Variants in SLC12A7 observed in about 807,000 individuals in gnomAD.
SLC12A7 encodes K-Cl cotransporter 4.
In SLC12A7, 100 loss-of-function variants were observed where a neutral mutation model predicts 120.6. The observed-to-expected ratio is 0.83, with a 90% confidence interval of 0.71 to 0.98. SLC12A7 has a LOEUF of 0.98. Ranked by LOEUF, SLC12A7 falls within the 50% of genes least tolerant of loss-of-function variation. The pLI is 0.00. For missense variants in SLC12A7, 1,373 were observed against 1,548.1 expected, an observed-to-expected ratio of 0.89 and a Z score of 1.90; for synonymous variants, 760 against 678.0, an observed-to-expected ratio of 1.12 and a Z score of -1.88.
chr5:1,112,871 T>TCCCCCC (rs70957329), upstream of SLC12A7, among the ~76,000 whole-genome samples: 11 of 112,050 alleles, frequency 9.8e-5, no homozygotes, highest in East Asian at 6.1e-4. Flanking sequence ...GTAGAGGGAG[T>TCCCCCC]CCCCCCCCCC....
chr5:1,111,578 C>T (rs1402405356), intron 1 of SLC12A7, among the ~76,000 whole-genome samples: 1 of 152,188 alleles, frequency 6.6e-6, no homozygotes, highest in African/African-American at 2.4e-5. Flanking sequence ...CGGAGGCGCG[C>T]TCCAGCCCCT....
chr5:1,149,044 T>C, the SLC12A7 span, among the ~76,000 whole-genome samples: 1 of 149,482 alleles, frequency 6.7e-6, no homozygotes, highest in African/African-American at 2.5e-5. Context: ...CACCTGTGTC[T>C]ACCGTGAATG....
At chr5:1,084,599 G>T (rs369865176) in intron 7 of SLC12A7, among the ~76,000 whole-genome samples, 3 of 152,224 alleles carry the variant, frequency 2.0e-5, no homozygotes, top group African/African-American at 4.8e-5. Context: ...GGGTCCCCGA[G>T]GGGGAGGGCA....
chr5:1,070,127 T>A, intron 17 of SLC12A7, among the ~76,000 whole-genome samples: 1 of 25,846 alleles, frequency 3.9e-5, no homozygotes, highest in Non-Finnish European at 6.1e-5. Context: ...ATCACACTTA[T>A]GCAGCCCCCA....
intron 20 of SLC12A7, among the ~76,000 whole-genome samples, chr5:1,063,530 A>G (rs1336029109): frequency 3.3e-5 from 5 of 152,040 alleles, no homozygotes; most frequent in Non-Finnish European, 5.9e-5. Context: ...GCTTTCTGTG[A>G]TGTCCTGGCG....
chr5:1,073,653 C>G lies in SLC12A7; in HGVS notation c.2221G>C (p.Glu741Gln). 6.2e-7 allele frequency: 1 copy of G among 1,604,838 alleles called. No individual in the cohort carries two copies. The highest frequency in any genetic ancestry group is 8.5e-7 in the Non-Finnish European group (1 of 1,176,350). The change falls in exon 17 of 24, where the codon GAG becomes CAG. Residue 741 changes from glutamate (E) to glutamine (Q), a missense_variant. Transcript: ENST00000264930. ...CCCACCTCCTCGGCCCGCTGAGCCT[C>G]CATGTGCTTGTCCAGGTACGTCCCC... Reference protein sequence around the residue: ...LEGTYLDKHMEAQRAEENIRS... With the variant: ...LEGTYLDKHMQAQRAEENIRS...
intron 17 of SLC12A7, among the ~76,000 whole-genome samples, chr5:1,068,156 A>C (rs4975694): frequency 0.94 from 142,666 of 152,310 alleles, 67,505 homozygotes; most frequent in East Asian, 1. Context: ...TTGCCCAGAC[A>C]GGCTGCCGTG....
At chr5:1,102,555 G>A (rs1742121610) in intron 1 of SLC12A7, among the ~76,000 whole-genome samples, 2 of 152,224 alleles carry the variant, frequency 1.3e-5, no homozygotes, top group Admixed American at 6.5e-5. Flanking sequence ...AGGTCCGACA[G>A]CCTCCGCCCC....
intron 1 of SLC12A7, among the ~76,000 whole-genome samples, chr5:1,107,627 G>GC (rs975164779): frequency 1.3e-5 from 2 of 152,172 alleles, no homozygotes; most frequent in Admixed American, 6.5e-5. Flanking sequence ...TGAGCACCTG[G>GC]CCCTCCCCTT....
chr5:1,087,582 G>C (rs1390900452), intron 5 of SLC12A7, among the ~76,000 whole-genome samples: 2 of 152,184 alleles, frequency 1.3e-5, no homozygotes, highest in African/African-American at 2.4e-5. Flanking sequence ...CTGGTCCCTT[G>C]GCTGCGGAGG....
chr5:1,093,786 A>T, intron 2 of SLC12A7, 131 bp from the exon 3 acceptor site: 1 of 1,369,748 alleles, frequency 7.3e-7, no homozygotes, highest in Non-Finnish European at 9.9e-7. Context: ...AGCAAGCCAG[A>T]GAGGCCTGGA....
rs1430540218 is a variant in SLC12A7, at chr5:1,064,169, A to G, written c.2521T>C (p.Phe841Leu). The G allele has an allele frequency of 2.5e-6, 4 of 1,612,328 alleles. No individual in the cohort carries two copies. The highest frequency in any genetic ancestry group is 1.7e-5 in the Admixed American group (1 of 59,994). The part of the protein sequence containing the change: ...VDSFPQNQER[F>L]GGGHIDVWWI... Reference sequence around the variant, plus strand: ...CACACGTCGATGTGGCCCCCGCCGAAGCGCTCCTGGTTTTGCGGAAACGAG... The same window carrying G: ...CACACGTCGATGTGGCCCCCGCCGAGGCGCTCCTGGTTTTGCGGAAACGAG... Residue 841 changes from phenylalanine to leucine, a missense_variant, in exon 19 of 24, where the codon TTC (phenylalanine) becomes CTC (leucine). Transcript: ENST00000264930.
chr5:1,098,142 C>CTTCT (rs1741511964), intron 1 of SLC12A7, among the ~76,000 whole-genome samples: 1 of 91,466 alleles, frequency 1.1e-5, no homozygotes, highest in Non-Finnish European at 2.1e-5. Context: ...GCCCAGCCCC[C>CTTCT]ACAACCCTCT....
Position 1,094,199 on chromosome 5 carries a change from C to T in SLC12A7, c.174G>A (p.Val58=), listed in dbSNP as rs1367120169. The change falls in exon 2 of 24, where the codon GTG becomes GTA. Residue 58 remains valine, a synonymous_variant. Coordinates refer to ENST00000264930, the MANE Select transcript of SLC12A7 (RefSeq NM_006598.3). ...ENSPFLNNVE[V]EQESFFEGKN... ...TCCCTTCAAAGAAGCTCTCTTGTTC[C>T]ACCTCGACATTGTTGAGGAATGGGC... The T allele has an allele frequency of 8.1e-6, 13 of 1,613,736 alleles. No individual in the cohort carries two copies. Among genetic ancestry groups the T allele is most frequent in the Non-Finnish European group, 1.1e-5 (13 of 1,179,918 alleles).
At chr5:1,126,454 T>A in the SLC12A7 span, among the ~76,000 whole-genome samples, 9 of 152,244 alleles carry the variant, frequency 5.9e-5, no homozygotes, top group African/African-American at 2.2e-4. Context: ...CATTTTAAAT[T>A]GTTTAGTTTT....
chr5:1,123,780 A>G, the SLC12A7 span, among the ~76,000 whole-genome samples: 1 of 152,250 alleles, frequency 6.6e-6, no homozygotes, highest in Non-Finnish European at 1.5e-5. Flanking sequence ...TTAAGCTTCA[A>G]ATTTTGCTTG....
chr5:1,117,263 C>G, the SLC12A7 span, among the ~76,000 whole-genome samples: 1 of 151,992 alleles, frequency 6.6e-6, no homozygotes, highest in Non-Finnish European at 1.5e-5. The surrounding 1 kb of genome is among the most constrained non-coding windows in gnomAD (Gnocchi z 4.5). Context: ...CCTACCAGCC[C>G]GAGATGGAGC....
At chr5:1,147,028 C>T in the SLC12A7 span, among the ~76,000 whole-genome samples, 3 of 152,174 alleles carry the variant, frequency 2.0e-5, no homozygotes, top group African/African-American at 4.8e-5. Flanking sequence ...CTCTTTTCAT[C>T]GACAGGCTTA....
chr5:1,093,034 G>A (rs1235249759), intron 3 of SLC12A7, among the ~76,000 whole-genome samples: 1 of 152,072 alleles, frequency 6.6e-6, no homozygotes, highest in Non-Finnish European at 1.5e-5. Context: ...TTTCCCCACT[G>A]CACCCCCCTC....
Sources: allele counts gnomAD v4.1 joint callset (sites outside exome capture counted in the v4.1 genomes callset), GRCh38; gene constraint gnomAD v4.1.1; non-coding constraint Gnocchi (gnomAD v3.1); transcripts MANE v1.5; gene names NCBI Gene and HGNC (gene_info 2026-07-23, HGNC 2026-07-21).